The following CYTH1 variants were observed in gnomAD, a reference collection of about 807,000 sequenced individuals.
CYTH1 encodes cytohesin 1, also known as cytohesin-1.
CYTH1 carries 18 observed loss-of-function variants against 61.8 expected under a neutral mutation model. The ratio of observed to expected loss-of-function variants is 0.29; its 90% CI spans 0.20 to 0.43. CYTH1 has a LOEUF of 0.43. CYTH1 is among the 20% of genes least tolerant of loss of function. The pLI, the probability that CYTH1 is intolerant of heterozygous loss-of-function variation, is 1.00. For synonymous variants in CYTH1, 174 were observed against 184.3 expected, an observed-to-expected ratio of 0.94 and a Z score of 0.45; for missense variants, 336 against 510.5, an observed-to-expected ratio of 0.66 and a Z score of 3.29.
intron 1 of CYTH1, among the ~76,000 whole-genome samples, chr17:78,764,342 G>A (rs140711158): frequency 2.0e-5 from 3 of 151,064 alleles, no homozygotes; most frequent in East Asian, 2.0e-4. Context: ...GACTACGGGC[G>A]CACCCCACCA....
intron 1 of CYTH1, among the ~76,000 whole-genome samples, chr17:78,758,899 G>A (rs1382504638): frequency 6.6e-6 from 1 of 152,036 alleles, no homozygotes; most frequent in Non-Finnish European, 1.5e-5. Context: ...TTTGCTGTGC[G>A]ATGTGTACTA....
At chr17:78,704,225 T>A (rs1405288739) in intron 3 of CYTH1, among the ~76,000 whole-genome samples, 1 of 152,184 alleles carries the variant, frequency 6.6e-6, no homozygotes, top group African/African-American at 2.4e-5. Context: ...TTTAACATGA[T>A]CCCATGTGTG....
intron 1 of CYTH1, among the ~76,000 whole-genome samples, chr17:78,711,294 AAATAAATAAT>A (rs771683224): frequency 1.6e-3 from 180 of 113,990 alleles, no homozygotes; most frequent in Admixed American, 4.3e-3. Flanking sequence ...ATAAATAAAT[AAATAAATAAT>A]ATATATATAT....
At chr17:78,694,588 C>T (rs60222314) in intron 10 of CYTH1, among the ~76,000 whole-genome samples, 3,735 of 152,268 alleles carry the variant, frequency 0.025, 155 homozygotes, top group African/African-American at 0.083. Context: ...CTTTGGTCTT[C>T]CAGCCTGGCG....
At chr17:78,727,674 G>A in intron 1 of CYTH1, 1 of 471,112 alleles carries the variant, frequency 2.1e-6, no homozygotes, top group Non-Finnish European at 4.4e-6. Context: ...GGCAAGGCTG[G>A]AGCAGGCACG....
chr17:78,704,860 G>A (rs2093049229), intron 3 of CYTH1, among the ~76,000 whole-genome samples: 1 of 152,158 alleles, frequency 6.6e-6, no homozygotes, highest in Non-Finnish European at 1.5e-5. Context: ...AAAACTGTGA[G>A]TAGTATCAGA....
At chr17:78,736,405 G>T (rs527454911) in intron 1 of CYTH1, among the ~76,000 whole-genome samples, 1 of 151,228 alleles carries the variant, frequency 6.6e-6, no homozygotes, top group East Asian at 1.9e-4. Context: ...CTCTCTTCTC[G>T]CTCTTTCTCT....
Position 78,708,219 on chromosome 17 carries a change from T to C in CYTH1, c.148A>G (p.Asn50Asp), listed in dbSNP as rs753659136. Residue 50 changes from asparagine to aspartate, a missense_variant, in exon 3 of 14, where the codon AAC becomes GAC. Asn to Asp is a conservative substitution (Grantham distance 23). Transcript: ENST00000446868. ...EIAEVANEIE[N>D]LGSTEERKNM... Reference sequence around the variant, plus strand: ...CACCTTTCCTCTGTGGATCCCAGGTTTTCAATTTCATTAGCTACTTCTGCT... The same window carrying C: ...CACCTTTCCTCTGTGGATCCCAGGTCTTCAATTTCATTAGCTACTTCTGCT... 107 of 1,613,540 alleles carry C rather than the reference T, an allele frequency of 6.6e-5. No homozygotes were observed. The Admixed American group carries it at 1.8e-3, about 26-fold the overall frequency.
At chr17:78,678,109 G>T in intron 13 of CYTH1, 1 of 152,484 alleles carries the variant, frequency 6.6e-6, no homozygotes. Context: ...CCCGCTCCGG[G>T]ACAGAGCAGA....
chr17:78,702,654 G>C (rs763437742), intron 3 of CYTH1, 50 bp from the exon 4 acceptor site: 20 of 1,567,400 alleles, frequency 1.3e-5, no homozygotes, highest in Admixed American at 3.4e-5. Context: ...CATCGGAAAG[G>C]CTTGAAAGAC....
chr17:78,715,408 T>C (rs978359310), intron 1 of CYTH1, among the ~76,000 whole-genome samples: 8 of 152,166 alleles, frequency 5.3e-5, no homozygotes, highest in African/African-American at 1.7e-4. Context: ...AGGAGCAAGA[T>C]GTGGATCAAG....
At chr17:78,770,816 G>A (rs1013144691) in intron 1 of CYTH1, among the ~76,000 whole-genome samples, 4 of 152,120 alleles carry the variant, frequency 2.6e-5, no homozygotes, top group Non-Finnish European at 4.4e-5. Flanking sequence ...TGAAATAGAA[G>A]CCTTGAAGAC....
At chr17:78,686,778 ATTTAT>A (rs1375913284) in intron 11 of CYTH1, among the ~76,000 whole-genome samples, 1 of 151,834 alleles carries the variant, frequency 6.6e-6, no homozygotes. Flanking sequence ...AAGTTAATTA[ATTTAT>A]TTATTTTTAT....
chr17:78,768,582 T>G (rs550804108), intron 1 of CYTH1, among the ~76,000 whole-genome samples: 1 of 152,094 alleles, frequency 6.6e-6, no homozygotes, highest in East Asian at 1.9e-4. Flanking sequence ...GCTATGTCCC[T>G]CCCAAACACT....
chr17:78,710,945 G>GT (rs1167604902), intron 1 of CYTH1, among the ~76,000 whole-genome samples: 4 of 152,118 alleles, frequency 2.6e-5, no homozygotes, highest in Admixed American at 2.6e-4. Flanking sequence ...TCACCACCCA[G>GT]TTTGAGATGT....
chr17:78,709,932 GCT>G (rs1312921513), intron 1 of CYTH1, among the ~76,000 whole-genome samples, 200 bp from the exon 2 acceptor site: 1 of 152,196 alleles, frequency 6.6e-6, no homozygotes, highest in Non-Finnish European at 1.5e-5. Flanking sequence ...ACACAGAAAA[GCT>G]CTGAGAAACT....
At chr17:78,686,312 A>T (rs2092815989) in intron 11 of CYTH1, among the ~76,000 whole-genome samples, 1 of 152,220 alleles carries the variant, frequency 6.6e-6, no homozygotes. Flanking sequence ...TTATAATTCT[A>T]TGATTATATA....
intron 1 of CYTH1, among the ~76,000 whole-genome samples, chr17:78,725,692 T>C (rs1003286212): frequency 2.0e-5 from 3 of 152,072 alleles, no homozygotes; most frequent in African/African-American, 7.2e-5. Context: ...ACAGCCGGGG[T>C]TTACCTGTGG....
intron 1 of CYTH1, among the ~76,000 whole-genome samples, chr17:78,781,641 T>C (rs1008139009): frequency 5.9e-5 from 9 of 152,140 alleles, no homozygotes; most frequent in African/African-American, 2.2e-4. Flanking sequence ...CCCGTTCTCA[T>C]TTCTGAACAA....
Sources: allele counts gnomAD v4.1 joint callset (sites outside exome capture counted in the v4.1 genomes callset), GRCh38; gene constraint gnomAD v4.1.1; transcripts MANE v1.5; gene names NCBI Gene and HGNC (gene_info 2026-07-23, HGNC 2026-07-21).